Variants in MANSC1 observed in about 807,000 individuals in gnomAD.
The protein encoded by MANSC1 is MANSC domain containing 1.
Under a neutral mutation model 14.1 loss-of-function variants are expected in MANSC1, and 13 were observed. That is an observed-to-expected ratio of 0.92 (90% CI 0.60 to 1.46). The LOEUF (loss-of-function observed/expected upper bound fraction) is 1.46, where lower values mean the gene tolerates loss of function less well. MANSC1 is among the 40% of genes most tolerant of loss of function. The pLI is 0.00. For missense variants in MANSC1, 486 were observed against 511.4 expected (o/e 0.95, Z 0.48); for synonymous variants, 227 against 200.7 (o/e 1.13, Z -1.11).
chr12:12,334,970 T>A (rs538137642), intron 3 of MANSC1, among the ~76,000 whole-genome samples: 1 of 152,204 alleles, frequency 6.6e-6, no homozygotes, highest in East Asian at 1.9e-4. Context: ...CCCCTCATAC[T>A]TAATGCAGTC....
chr12:12,336,776 C>T (rs567827902), intron 3 of MANSC1, among the ~76,000 whole-genome samples: 4 of 152,262 alleles, frequency 2.6e-5, no homozygotes, highest in Admixed American at 6.5e-5. Context: ...GATCCTCCCA[C>T]CTCCCAGAGT....
At chr12:12,333,059 A>ATATATATATATTTT (rs536426090) in intron 3 of MANSC1, among the ~76,000 whole-genome samples, 6 of 150,920 alleles carry the variant, frequency 4.0e-5, no homozygotes, top group African/African-American at 1.5e-4. Flanking sequence ...ATATATATAT[A>ATATATATATATTTT]TTTTTGAGAC....
intron 3 of MANSC1, among the ~76,000 whole-genome samples, chr12:12,332,073 C>A (rs550981331): frequency 5.3e-5 from 8 of 152,180 alleles, no homozygotes; most frequent in Non-Finnish European, 1.2e-4. Flanking sequence ...CCATTTATCA[C>A]AGCTCAAACT....
chr12:12,349,581 G>C (rs1863051153), intron 1 of MANSC1, among the ~76,000 whole-genome samples: 1 of 152,172 alleles, frequency 6.6e-6, no homozygotes, highest in Admixed American at 6.5e-5. Context: ...ATGCCCCTGA[G>C]TTTTAACGTC....
intron 2 of MANSC1, 158 bp from the exon 3 acceptor site, chr12:12,338,718 C>CAA (rs1862892357): frequency 2.9e-6 from 2 of 693,708 alleles, no homozygotes; most frequent in Non-Finnish European, 4.8e-6. Context: ...TTTTCCTTAG[C>CAA]TTAGTTGCTT....
chr12:12,345,026 C>G (rs1862992417), intron 1 of MANSC1, among the ~76,000 whole-genome samples: 3 of 132,280 alleles, frequency 2.3e-5, no homozygotes, highest in African/African-American at 8.4e-5. Flanking sequence ...TGCAAAAAAG[C>G]TATTATTGGC....
Position 12,327,342 on chromosome 12 carries a change from T to G in MANSC1, c.*2685A>C, listed in dbSNP as rs1435717518. 6.6e-6 allele frequency: 1 copy of G among 152,330 alleles called. No individual in the cohort carries two copies. Among genetic ancestry groups the G allele is most frequent in the African/African-American group, 2.4e-5 (1 of 41,428 alleles). The allele number at this position is 152,330 out of a possible 1,614,324, so 9.4% of individuals were successfully genotyped here. On this transcript the variant is annotated 3_prime_UTR_variant, in exon 4 of 4. Coordinates refer to ENST00000535902, the MANE Select transcript of MANSC1 (RefSeq NM_018050.4). Reference sequence around the variant, plus strand: ...CTACCCTGACTGCCCTTGCCACAGTTGCACCCACCATCCTAGGGGCAGTAA... The same window carrying G: ...CTACCCTGACTGCCCTTGCCACAGTGGCACCCACCATCCTAGGGGCAGTAA...
chr12:12,340,985 C>A (rs1009058761), intron 2 of MANSC1, among the ~76,000 whole-genome samples: 1 of 152,186 alleles, frequency 6.6e-6, no homozygotes, highest in Non-Finnish European at 1.5e-5. Context: ...CTTCTCCACA[C>A]CATTTTGCAG....
chr12:12,349,775 T>G (rs549494202), intron 1 of MANSC1, among the ~76,000 whole-genome samples: 17 of 152,338 alleles, frequency 1.1e-4, no homozygotes, highest in Admixed American at 9.8e-4. Flanking sequence ...ACAGGGAACA[T>G]TTTCTCTTCC....
At position 12,330,729 on chromosome 12, in the gene MANSC1, A is replaced by G; in HGVS notation, c.594T>C (p.Tyr198=). ...MDEASAQLLA[Y]KEKGHSQSSQ... Reference sequence around the variant, plus strand: ...AACTCTGAGAATGGCCTTTTTCCTTATAAGCAAGGAGCTGGGCACTTGCTT... The same window carrying G: ...AACTCTGAGAATGGCCTTTTTCCTTGTAAGCAAGGAGCTGGGCACTTGCTT... The change falls in exon 4 of 4, where the codon TAT becomes TAC. Residue 198 remains tyrosine (Y), a synonymous_variant. Transcript: ENST00000535902. 1 of 1,614,182 alleles carries G rather than the reference A, an allele frequency of 6.2e-7. No individual in the cohort carries two copies. Among genetic ancestry groups the G allele is most frequent in the Non-Finnish European group, 8.5e-7 (1 of 1,180,012 alleles).
At chr12:12,333,382 G>C (rs1240493375) in intron 3 of MANSC1, among the ~76,000 whole-genome samples, 2 of 152,094 alleles carry the variant, frequency 1.3e-5, no homozygotes, top group Non-Finnish European at 2.9e-5. Context: ...GAAAAAGACT[G>C]TTTAAGTAAA....
At chr12:12,345,648 AC>A (rs753946209) in intron 1 of MANSC1, among the ~76,000 whole-genome samples, 11 of 152,246 alleles carry the variant, frequency 7.2e-5, no homozygotes, top group Non-Finnish European at 1.3e-4. Flanking sequence ...ATCAACCTCC[AC>A]ATTTCCTTTT....
At chr12:12,348,756 T>C (rs1043351643) in intron 1 of MANSC1, among the ~76,000 whole-genome samples, 1 of 149,810 alleles carries the variant, frequency 6.7e-6, no homozygotes, top group Non-Finnish European at 1.5e-5. Context: ...CAGTATATGG[T>C]AATAAAACAC....
At chr12:12,337,714 A>T (rs1317204393) in intron 3 of MANSC1, among the ~76,000 whole-genome samples, 1 of 152,260 alleles carries the variant, frequency 6.6e-6, no homozygotes, top group East Asian at 1.9e-4. Context: ...CTCAAAAAAA[A>T]GAAAAATTGA....
intron 2 of MANSC1, among the ~76,000 whole-genome samples, chr12:12,342,584 GTTTTTTTTTTTT>G (rs760560592): frequency 2.4e-5 from 1 of 41,796 alleles, no homozygotes; most frequent in African/African-American, 9.6e-5. Context: ...GTGTTTTTTT[GTTTTTTTTTTTT>G]TTTTTTTTTT....
chr12:12,340,408 A>G (rs1862918773), intron 2 of MANSC1, among the ~76,000 whole-genome samples: 2 of 152,178 alleles, frequency 1.3e-5, no homozygotes, highest in Admixed American at 6.5e-5. Flanking sequence ...TCATATCCCC[A>G]TTACTCAGAT....
intron 1 of MANSC1, among the ~76,000 whole-genome samples, chr12:12,344,966 T>TTA (rs1455117019): frequency 2.8e-5 from 3 of 108,312 alleles, no homozygotes; most frequent in Non-Finnish European, 1.9e-5. Context: ...TATATATATA[T>TTA]ATTACACTAG....
rs755773176 is a variant in MANSC1, at chr12:12,330,415, A to C, written c.908T>G (p.Leu303Arg). Residue 303 changes from leucine (L) to arginine (R), a missense_variant, in exon 4 of 4, where the codon CTG becomes CGG. Coordinates refer to ENST00000535902, the MANE Select transcript of MANSC1 (RefSeq NM_018050.4). ...CGTAGGTGCCTGAAAGGTGGTAGTC[A>C]GAACTGCTGTTGTAGCCATTGCTTG... Reference protein sequence around the residue: ...TLQAMATTAVLTTTFQAPTDS... With the variant: ...TLQAMATTAVRTTTFQAPTDS... The C allele has an allele frequency of 3.7e-6, 6 of 1,614,128 alleles. No homozygotes were observed. Among genetic ancestry groups the C allele is most frequent in the Non-Finnish European group, 4.2e-6 (5 of 1,180,046 alleles).
Position 12,337,510 on chromosome 12 carries a change from G to A in MANSC1, c.364+910C>T, listed in dbSNP as rs569983062. ...CGGGAGGCGGAGCTTGCAGTGAGCC[G>A]AGATCGCACCACTGCACTCCATCCT... On this transcript the variant is annotated intron_variant, in intron 3 of 3. Transcript: ENST00000535902. Among the ~76,000 whole-genome samples the A allele has an allele frequency of 1.7e-3, 253 of 152,128 alleles. 3 individuals carry two copies. Among genetic ancestry groups the A allele is most frequent in the African/African-American group, 5.9e-3 (243 of 41,504 alleles).
Sources: gnomAD v4.1 joint callset for allele counts (sites outside exome capture counted in the v4.1 genomes callset) on GRCh38, gnomAD v4.1.1 for gene constraint, MANE v1.5 for transcripts, NCBI Gene and HGNC (gene_info 2026-07-23, HGNC 2026-07-21) for gene names.